Variants in SLC26A4 observed in about 807,000 individuals in gnomAD.
The protein encoded by SLC26A4 is solute carrier family 26 member 4.
Under a neutral mutation model 90.4 loss-of-function variants are expected in SLC26A4, and 93 were observed. The observed-to-expected ratio is 1.03, with a 90% CI of 0.87 to 1.22. SLC26A4 has a LOEUF of 1.22. Among genes scored for constraint, SLC26A4 ranks in the 50% most tolerant of loss-of-function variants. The pLI is 0.00. For synonymous variants in SLC26A4, 393 were observed against 354.6 expected, an observed-to-expected ratio of 1.11 and a Z score of -1.22; for missense variants, 1,127 against 946.2, an observed-to-expected ratio of 1.19 and a Z score of -2.51.
At chr7:107,672,103 G>A in intron 3 of SLC26A4, 35 bp from the exon 4 acceptor site, 2 of 1,337,882 alleles carry the variant, frequency 1.5e-6, no homozygotes, top group Non-Finnish European at 2.2e-6. Context: ...TGTAACTTTG[G>A]TTTGTGAATG....
At position 107,693,946 on chromosome 7, in the gene SLC26A4, A is replaced by G. The variant is rs1791655463; in HGVS notation, c.1264-457A>G. 2.0e-5 allele frequency among the ~76,000 whole-genome samples: 3 copies of G among 152,222 alleles called. No homozygotes were observed. In the South Asian group the frequency reaches 6.2e-4, roughly 32 times the overall value. On this transcript the variant is annotated intron_variant, in intron 10 of 20. Coordinates refer to ENST00000644269, the MANE Select transcript of SLC26A4 (RefSeq NM_000441.2). ...AGTACGAAGTGTTATCAGAGTTGCT[A>G]TTATAGCTGCAGCTTCAATAATGCA...
rs546906649 is a variant in SLC26A4 at position 107,687,828 on chromosome 7, C to T, written c.1002-1225C>T. 2.6e-5 allele frequency among the ~76,000 whole-genome samples: 4 copies of T among 152,212 alleles called. No individual in the cohort carries two copies. The East Asian group carries it at 5.8e-4, about 22-fold the overall frequency. On this transcript the variant is annotated intron_variant, in intron 8 of 20. Transcript: ENST00000644269. ...AGGAGCCTGTTTTGAGAAGTGTGGT[C>T]CCAAGTCACATCCCAACTAGCAGGT...
chr7:107,702,122 TC>T, intron 17 of SLC26A4, 65 bp downstream of exon 17: 1 of 1,048,892 alleles, frequency 9.5e-7, no homozygotes. Context: ...ATGTGGGTTG[TC>T]CAGTATTGCA....
At chr7:107,674,047 C>A (rs924874892) in intron 4 of SLC26A4, 117 bp from the exon 5 acceptor site, 1 of 1,104,126 alleles carries the variant, frequency 9.1e-7, no homozygotes, top group Non-Finnish European at 1.4e-6. Context: ...CTTTCGTGAA[C>A]AAACAATATT....
At chr7:107,667,465 A>AAAG (rs1790748450) in intron 3 of SLC26A4, among the ~76,000 whole-genome samples, 2 of 147,962 alleles carry the variant, frequency 1.4e-5, no homozygotes, top group African/African-American at 5.0e-5. Context: ...AAGGTTTAAA[A>AAAG]AAAAAAAAAA....
chr7:107,706,627 C>T (rs772543832), intron 18 of SLC26A4, among the ~76,000 whole-genome samples: 3 of 152,190 alleles, frequency 2.0e-5, no homozygotes, highest in Non-Finnish European at 4.4e-5. Context: ...TTTATTCACT[C>T]ATTGTAAGGC....
intron 8 of SLC26A4, among the ~76,000 whole-genome samples, chr7:107,686,934 C>A (rs1251069336): frequency 6.6e-6 from 1 of 152,150 alleles, no homozygotes. Context: ...GGCACAGGGG[C>A]AAAGCCAACA....
At chr7:107,683,661 G>A (rs1791317971) in intron 8 of SLC26A4, 124 bp downstream of exon 8, 1 of 792,842 alleles carries the variant, frequency 1.3e-6, no homozygotes, top group South Asian at 1.6e-5. Flanking sequence ...CTATTTGTGT[G>A]TGATCTGGAA....
intron 14 of SLC26A4, 97 bp downstream of exon 14, chr7:107,698,208 G>C: frequency 1.2e-6 from 1 of 818,726 alleles, no homozygotes; most frequent in Non-Finnish European, 2.1e-6. Flanking sequence ...GGGAGAAAAT[G>C]CCTATTGGGA....
intron 8 of SLC26A4, among the ~76,000 whole-genome samples, chr7:107,685,046 A>G (rs1791357207): frequency 6.6e-6 from 1 of 152,090 alleles, no homozygotes; most frequent in South Asian, 2.1e-4. Context: ...CTTGAGTTTA[A>G]TGAAGCTGAA....
At position 107,674,041 on chromosome 7, in the gene SLC26A4, C is replaced by A. The variant is rs145124941; in HGVS notation, c.416-123C>A. On this transcript the variant is annotated intron_variant, in intron 4 of 20. Transcript: ENST00000644269. Reference sequence around the variant, plus strand: ...CCACTGGGTCCGGCTCAGCTTCTTTCGTGAACAAACAATATTTTCCTAGTC... The same window carrying A: ...CCACTGGGTCCGGCTCAGCTTCTTTAGTGAACAAACAATATTTTCCTAGTC... The A allele has an allele frequency of 1.5e-3, 1,536 of 1,041,104 alleles. 8 individuals are homozygous for A. In the African/African-American group the frequency reaches 0.023, roughly 15 times the overall value. 64.5% of individuals were successfully genotyped at this position (1,041,104 alleles called of 1,614,324 possible).
chr7:107,679,881 A>AATCTTATTATATTATATT, intron 6 of SLC26A4, among the ~76,000 whole-genome samples: 1 of 117,778 alleles, frequency 8.5e-6, no homozygotes, highest in South Asian at 2.3e-4. Flanking sequence ...TATATTATAT[A>AATCTTATTATATTATATT]ATCTTATCTT....
At chr7:107,710,024 C>T in intron 18 of SLC26A4, 30 bp from the exon 19 acceptor site, 1 of 1,604,748 alleles carries the variant, frequency 6.2e-7, no homozygotes, top group Non-Finnish European at 8.5e-7. Context: ...TTCCTAGGAA[C>T]TAACAAAACA....
intron 3 of SLC26A4, among the ~76,000 whole-genome samples, chr7:107,664,574 G>A (rs1323349656): frequency 6.6e-6 from 1 of 152,196 alleles, no homozygotes; most frequent in Non-Finnish European, 1.5e-5. Context: ...ACTGGCTTAA[G>A]GAAAAGTGAA....
chr7:107,661,822 C>T lies in SLC26A4; in HGVS notation c.164+17C>T. On this transcript the variant is annotated intron_variant, in intron 2 of 20. Transcript: ENST00000644269. This position sits in a 1 kb window ranked among gnomAD's most constrained non-coding sequence, Gnocchi z 5.1. ...GTGCTGCAGGTAGCGGCCGCGCGGG[C>T]CTGCGTAGAGAGAAGCGGAGCGGGG... 6.5e-7 allele frequency: 1 copy of T among 1,533,338 alleles called. No individual in the cohort carries two copies. Among genetic ancestry groups the T allele is most frequent in the Non-Finnish European group, 8.7e-7 (1 of 1,145,142 alleles). The allele number at this position is 1,533,338 out of a possible 1,614,324, so 95.0% of individuals were successfully genotyped here.
At chr7:107,677,370 C>T (rs1361708394) in intron 6 of SLC26A4, among the ~76,000 whole-genome samples, 1 of 152,058 alleles carries the variant, frequency 6.6e-6, no homozygotes, top group Non-Finnish European at 1.5e-5. Context: ...CCTCTTAGAG[C>T]AGTGAGGATT....
intron 12 of SLC26A4, among the ~76,000 whole-genome samples, chr7:107,695,293 G>A (rs1791708284): frequency 6.6e-6 from 1 of 152,116 alleles, no homozygotes; most frequent in African/African-American, 2.4e-5. Context: ...AGAAATAAAA[G>A]CGGATACAAG....
At chr7:107,698,592 C>T (rs925725458) in intron 14 of SLC26A4, among the ~76,000 whole-genome samples, 2 of 152,172 alleles carry the variant, frequency 1.3e-5, no homozygotes, top group African/African-American at 2.4e-5. Context: ...GTTGGGATTA[C>T]AGGCGTGAGC....
Position 107,661,490 on chromosome 7 carries a change from G to A in SLC26A4, c.-3-149G>A. 2 of 901,244 alleles carry A rather than the reference G, an allele frequency of 2.2e-6. No individual in the cohort carries two copies. Among genetic ancestry groups the A allele is most frequent in the South Asian group, 1.6e-5 (1 of 63,394 alleles). 55.8% of individuals were successfully genotyped at this position (901,244 alleles called of 1,614,324 possible). ...CCGTGGGGCGCTTGTCGCGAGCGCC[G>A]AGGGCTGCAGGACGCGGACCAGACT... is the stretch of plus-strand genomic sequence containing the variant. On this transcript the variant is annotated intron_variant, in intron 1 of 20. Coordinates refer to ENST00000644269, the MANE Select transcript of SLC26A4 (RefSeq NM_000441.2). The surrounding 1 kb of genome is among the most constrained non-coding windows in gnomAD (Gnocchi z 5.1).
Sources: allele counts gnomAD v4.1 joint callset (sites outside exome capture counted in the v4.1 genomes callset), GRCh38; gene constraint gnomAD v4.1.1; non-coding constraint Gnocchi (gnomAD v3.1); transcripts MANE v1.5; gene names NCBI Gene and HGNC (gene_info 2026-07-23, HGNC 2026-07-21).